The following CPEB4 variants were observed in gnomAD, a reference collection of about 807,000 sequenced individuals.
CPEB4 encodes cytoplasmic polyadenylation element binding protein 4.
In CPEB4, 12 loss-of-function variants were observed where a neutral mutation model predicts 72.5. The observed-to-expected ratio is 0.17, with a 90% CI of 0.11 to 0.27. The LOEUF is 0.27. Among genes scored for constraint, CPEB4 ranks in the 10% least tolerant of loss-of-function variants. The probability of loss-of-function intolerance (pLI) is 1.00; values close to 1 mark genes in which losing one functional copy is unlikely to be tolerated. For missense variants in CPEB4, 614 were observed against 908.5 expected, an observed-to-expected ratio of 0.68 and a Z score of 4.17; for synonymous variants, 302 against 326.3, an observed-to-expected ratio of 0.93 and a Z score of 0.80.
chr5:173,947,557 G>A (rs1315618793), intron 5 of CPEB4, among the ~76,000 whole-genome samples: 1 of 152,148 alleles, frequency 6.6e-6, no homozygotes, highest in African/African-American at 2.4e-5. Flanking sequence ...GGTATTGGGA[G>A]CTAGGTTTCT....
chr5:173,895,926 C>T (rs1007373036), intron 1 of CPEB4, among the ~76,000 whole-genome samples: 1 of 152,140 alleles, frequency 6.6e-6, no homozygotes, highest in African/African-American at 2.4e-5. Context: ...ACCTGTTTAT[C>T]GCAAGCCTAA....
At chr5:173,918,381 G>A (rs573703698) in intron 2 of CPEB4, 1 of 152,372 alleles carries the variant, frequency 6.6e-6, no homozygotes, top group South Asian at 2.1e-4. Flanking sequence ...ATCCGGATTT[G>A]TTGGATTCCT....
intron 1 of CPEB4, 141 bp from the exon 2 acceptor site, chr5:173,910,382 A>G (rs1393930833): frequency 5.1e-6 from 3 of 591,292 alleles, no homozygotes; most frequent in South Asian, 4.8e-5. Context: ...GGTGTTAATA[A>G]TAACATTTAG....
intron 2 of CPEB4, among the ~76,000 whole-genome samples, chr5:173,928,712 G>A (rs1286289488): frequency 2.0e-5 from 3 of 152,086 alleles, no homozygotes; most frequent in East Asian, 1.9e-4. Flanking sequence ...GAAAAAGTAC[G>A]AGAGTGCAAA....
rs142807840 is a variant in CPEB4, at chr5:173,946,582, G to A, written c.1456+1442G>A. 6.5e-3 allele frequency among the ~76,000 whole-genome samples: 992 copies of A among 152,238 alleles called. 8 individuals are homozygous for A. The highest frequency in any genetic ancestry group is 0.023 in the African/African-American group (953 of 41,542). ...CAGACCTTTGAACACCTGAGGAAGC[G>A]CAAACTAAACTGTCAGGAGATAAGA... On this transcript the variant is annotated intron_variant, in intron 5 of 9. Transcript: ENST00000265085.
intron 3 of CPEB4, among the ~76,000 whole-genome samples, chr5:173,939,903 G>C (rs1321469999): frequency 6.6e-6 from 1 of 151,112 alleles, no homozygotes; most frequent in East Asian, 1.9e-4. Flanking sequence ...CCTGAGCTCG[G>C]GGGTTTGAGA....
rs1478058086 is a variant in CPEB4 at position 173,888,635 on chromosome 5, G to A, written c.-1099G>A. ...TCTGGGGGAAAAGAGAGAGAAAGCC[G>A]AGGGGGGAGGCCCTTCTCCTTTAAA... On this transcript the variant is annotated 5_prime_UTR_variant, in exon 1 of 10. Coordinates refer to ENST00000265085, the MANE Select transcript of CPEB4 (RefSeq NM_030627.4). The surrounding 1 kb of genome is among the most constrained non-coding windows in gnomAD (Gnocchi z 4.3). The A allele has an allele frequency of 1.0e-5, 4 of 400,958 alleles. No homozygotes were observed. Among genetic ancestry groups the A allele is most frequent in the Non-Finnish European group, 1.8e-5 (4 of 227,172 alleles). The allele number at this position is 400,958 out of a possible 1,614,324, so 24.8% of individuals were successfully genotyped here.
At chr5:173,905,399 A>C (rs1390843414) in intron 1 of CPEB4, among the ~76,000 whole-genome samples, 1 of 151,238 alleles carries the variant, frequency 6.6e-6, no homozygotes, top group Non-Finnish European at 1.5e-5. Flanking sequence ...CAATGGTGTG[A>C]TCTCAGCTCA....
At position 173,890,585 on chromosome 5, in the gene CPEB4, G is replaced by T; in HGVS notation, c.852G>T (p.Pro284=). The stretch of plus-strand genomic sequence containing the variant: ...ATAATCTTAACAAACCCCCCTCTCC[G>T]TGGAGCAGCTACCAGAGTCCGTCAC... ...LANNLNKPPS[P]WSSYQSPSPT... Residue 284 remains proline (P), a synonymous_variant, in exon 1 of 10, where the codon CCG becomes CCT. Transcript: ENST00000265085. 1 of 1,614,036 alleles carries T rather than the reference G, an allele frequency of 6.2e-7. No individual in the cohort carries two copies.
intron 3 of CPEB4, among the ~76,000 whole-genome samples, chr5:173,940,087 G>A (rs746194488): frequency 1.3e-5 from 2 of 151,816 alleles, no homozygotes; most frequent in Non-Finnish European, 2.9e-5. Flanking sequence ...CAGCCTGGGC[G>A]AGAATCCATC....
chr5:173,907,571 G>C (rs1756488162), intron 1 of CPEB4, among the ~76,000 whole-genome samples: 6 of 152,078 alleles, frequency 3.9e-5, no homozygotes, highest in Admixed American at 3.9e-4. Flanking sequence ...AGGGAAAGGG[G>C]GAAATATAAA....
intron 1 of CPEB4, among the ~76,000 whole-genome samples, chr5:173,904,931 A>G (rs999889248): frequency 1.3e-5 from 2 of 150,944 alleles, no homozygotes; most frequent in Non-Finnish European, 3.0e-5. Flanking sequence ...TGATTGTGCC[A>G]CTGCACTCCA....
chr5:173,897,036 T>C (rs1756040917), intron 1 of CPEB4, among the ~76,000 whole-genome samples: 1 of 152,264 alleles, frequency 6.6e-6, no homozygotes. Context: ...TGAATAAAGT[T>C]ATGAAATTAG....
chr5:173,937,019 C>CTTTTTTTTTTTTTTTTTTTTT (rs150187685), intron 3 of CPEB4, among the ~76,000 whole-genome samples: 1 of 97,216 alleles, frequency 1.0e-5, no homozygotes, highest in Non-Finnish European at 2.0e-5. Context: ...CATTTCTTTC[C>CTTTTTTTTTTTTTTTTTTTTT]TTTTTTTTTT....
At chr5:173,932,109 C>G (rs759653338) in intron 2 of CPEB4, among the ~76,000 whole-genome samples, 4 of 152,094 alleles carry the variant, frequency 2.6e-5, no homozygotes, top group Non-Finnish European at 5.9e-5. Context: ...TACATAGTTT[C>G]AAAAGTAACA....
At chr5:173,923,133 G>A (rs558607745) in intron 2 of CPEB4, among the ~76,000 whole-genome samples, 2 of 152,276 alleles carry the variant, frequency 1.3e-5, no homozygotes, top group African/African-American at 4.8e-5. Flanking sequence ...CAGAAAAGTT[G>A]TCAGAATTCA....
rs372321731 is a variant in CPEB4 at position 173,945,034 on chromosome 5, T to C, written c.1350T>C (p.His450=). 3.1e-5 allele frequency: 50 copies of C among 1,613,866 alleles called. No homozygotes were observed. Among genetic ancestry groups the C allele is most frequent in the Non-Finnish European group, 4.1e-5 (48 of 1,179,882 alleles). Residue 450 remains histidine (H), a synonymous_variant, in exon 5 of 10, where the codon CAT becomes CAC. Transcript: ENST00000265085. ...ATGGCCGTGGGGATCAGCCTCTTCA[T>C]AGTGGCCTGGGTTCACCTCACTGCT... ...LDDGRGDQPL[H]SGLGSPHCFS... is the part of the protein sequence containing the mutation.
intron 3 of CPEB4, among the ~76,000 whole-genome samples, chr5:173,940,017 A>G (rs1168934849): frequency 1.3e-5 from 2 of 152,012 alleles, no homozygotes; most frequent in East Asian, 3.9e-4. Context: ...TGAGGCAAGA[A>G]GAATTGCTTG....
chr5:173,957,457 G>A lies in CPEB4; in HGVS notation c.*1320G>A, dbSNP rs1022156209. On this transcript the variant is annotated 3_prime_UTR_variant, in exon 10 of 10. Coordinates refer to ENST00000265085, the MANE Select transcript of CPEB4 (RefSeq NM_030627.4). ...ATTACAGTTTCCGAATTTAGCATGGGACATAGTCAGTGTTTGAAGTGCCAA... is the reference window on the plus strand; with the variant it reads ...ATTACAGTTTCCGAATTTAGCATGGAACATAGTCAGTGTTTGAAGTGCCAA... 1 of 152,698 alleles carries A rather than the reference G, an allele frequency of 6.5e-6. No individual in the cohort carries two copies. Among genetic ancestry groups the A allele is most frequent in the Admixed American group, 6.6e-5 (1 of 15,262 alleles). The allele number at this position is 152,698 out of a possible 1,614,324, so 9.5% of individuals were successfully genotyped here.
Sources: gnomAD v4.1 joint callset for allele counts (sites outside exome capture counted in the v4.1 genomes callset) on GRCh38, gnomAD v4.1.1 for gene constraint, Gnocchi (gnomAD v3.1) non-coding constraint, MANE v1.5 for transcripts, NCBI Gene and HGNC (gene_info 2026-07-23, HGNC 2026-07-21) for gene names.